The following FRY variants were observed in gnomAD, a reference collection of about 807,000 sequenced individuals.
FRY encodes FRY microtubule binding protein.
FRY carries 128 observed loss-of-function variants against 348.4 expected under a neutral mutation model. The observed-to-expected ratio is 0.37, with a 90% confidence interval of 0.32 to 0.43. FRY has a LOEUF of 0.43. Ranked by LOEUF, FRY falls within the 20% of genes least tolerant of loss-of-function variation. The probability of loss-of-function intolerance (pLI) is 1.00; values close to 1 mark genes in which losing one functional copy is unlikely to be tolerated. For missense variants in FRY, 2,736 were observed against 3,695.2 expected, an observed-to-expected ratio of 0.74 and a Z score of 6.73; for synonymous variants, 1,370 against 1,374.7, an observed-to-expected ratio of 1.00 and a Z score of 0.08.
chr13:32,282,736 A>AGG (rs1888872682), intron 58 of FRY, among the ~76,000 whole-genome samples: 1 of 152,234 alleles, frequency 6.6e-6, no homozygotes, highest in African/African-American at 2.4e-5. Context: ...TGTAGACCTA[A>AGG]GTATAACAAA....
At chr13:32,293,839 T>C (rs1296425987) in intron 59 of FRY, among the ~76,000 whole-genome samples, 1 of 152,254 alleles carries the variant, frequency 6.6e-6, no homozygotes, top group Non-Finnish European at 1.5e-5. Flanking sequence ...ACAGCGTCCA[T>C]GGTCACAATT....
intron 4 of FRY, among the ~76,000 whole-genome samples, chr13:32,122,972 A>G (rs1878767362): frequency 6.6e-6 from 1 of 152,032 alleles, no homozygotes; most frequent in South Asian, 2.1e-4. Context: ...ACTTAGGAAT[A>G]TACCTAACCA....
Position 32,186,890 on chromosome 13 carries a change from A to G in FRY, c.3480+470A>G, listed in dbSNP as rs868244897. On this transcript the variant is annotated intron_variant, in intron 27 of 60. Transcript: ENST00000542859. ...GTATATCAGCTCTGTCATACAGAACATAAGTTGCTGACTCTCAGATTACCT... is the reference window on the plus strand; with the variant it reads ...GTATATCAGCTCTGTCATACAGAACGTAAGTTGCTGACTCTCAGATTACCT... 2.0e-5 allele frequency among the ~76,000 whole-genome samples: 3 copies of G among 152,294 alleles called. No homozygotes were observed. The South Asian group carries it at 6.2e-4, about 32-fold the overall frequency.
intron 16 of FRY, among the ~76,000 whole-genome samples, chr13:32,158,240 A>G (rs1881229067): frequency 6.6e-6 from 1 of 152,252 alleles, no homozygotes; most frequent in African/African-American, 2.4e-5. Context: ...TAAAGTTAAA[A>G]TAAAAGCCTC....
intron 28 of FRY, 56 bp downstream of exon 28, chr13:32,187,712 T>A (rs1883104950): frequency 1.1e-6 from 1 of 911,536 alleles, no homozygotes; most frequent in Non-Finnish European, 1.8e-6. Context: ...CTGCCTCAGT[T>A]GAGTTACTGA....
rs564318470 is a variant in FRY at position 32,242,628 on chromosome 13, G to A, written c.6688-1414G>A. On this transcript the variant is annotated intron_variant, in intron 46 of 60. Transcript: ENST00000542859. ...TGGCTCACTGCAACTTCCACTTCCTGGGTTCACACAGTTCTCCTGCCTCAC... is the reference window on the plus strand; with the variant it reads ...TGGCTCACTGCAACTTCCACTTCCTAGGTTCACACAGTTCTCCTGCCTCAC... 3.2e-4 allele frequency among the ~76,000 whole-genome samples: 49 copies of A among 152,186 alleles called. 1 individual carries two copies. The highest frequency in any genetic ancestry group is 1.0e-3 in the African/African-American group (43 of 41,532).
intron 11 of FRY, among the ~76,000 whole-genome samples, chr13:32,140,377 A>G (rs2138796777): frequency 6.6e-6 from 1 of 152,370 alleles, no homozygotes; most frequent in African/African-American, 2.4e-5. Flanking sequence ...ACCAAAGTAC[A>G]GAATGAGAAA....
chr13:32,068,082 G>A (rs1175923527), intron 1 of FRY, among the ~76,000 whole-genome samples: 1 of 152,128 alleles, frequency 6.6e-6, no homozygotes, highest in Non-Finnish European at 1.5e-5. Flanking sequence ...CCTTTCAGGT[G>A]ACTGTGATGT....
intron 14 of FRY, among the ~76,000 whole-genome samples, chr13:32,151,209 A>C (rs1432976642): frequency 2.0e-5 from 3 of 152,264 alleles, no homozygotes; most frequent in African/African-American, 2.4e-5. Context: ...CACTGTCTAT[A>C]AAATGTATTC....
At chr13:32,131,635 C>T (rs1328618738) in intron 7 of FRY, 37 bp from the exon 8 acceptor site, 1 of 1,534,066 alleles carries the variant, frequency 6.5e-7, no homozygotes, top group Admixed American at 1.7e-5. Context: ...GACTTTCCTA[C>T]CCAATATTTG....
intron 3 of FRY, among the ~76,000 whole-genome samples, chr13:32,110,274 A>G (rs1165287426): frequency 6.6e-6 from 1 of 152,186 alleles, no homozygotes; most frequent in African/African-American, 2.4e-5. Flanking sequence ...GCATCTGTGG[A>G]GAGCATCTAT....
chr13:32,228,016 C>G (rs1885686973), intron 39 of FRY, among the ~76,000 whole-genome samples: 1 of 152,328 alleles, frequency 6.6e-6, no homozygotes, highest in East Asian at 1.9e-4. Flanking sequence ...TCCCAAAGTG[C>G]TGGGATTACA....
rs551893659 is a variant in FRY at position 32,032,325 on chromosome 13, T to G, written c.70+460T>G. Reference sequence around the variant, plus strand: ...TCAGAGTACTTTGTAATTGTTTTTTTAGGGTATTGTCTGAAGAAAGAAAAG... The same window carrying G: ...TCAGAGTACTTTGTAATTGTTTTTTGAGGGTATTGTCTGAAGAAAGAAAAG... On this transcript the variant is annotated intron_variant, in intron 1 of 60. Coordinates refer to ENST00000542859, the MANE Select transcript of FRY (RefSeq NM_023037.3). Among the ~76,000 whole-genome samples the G allele has an allele frequency of 2.6e-5, 4 of 152,304 alleles. No homozygotes were observed. The South Asian group carries it at 6.2e-4, about 24-fold the overall frequency.
Position 32,237,388 on chromosome 13 carries a change from A to T in FRY, c.5820A>T (p.Ser1940=), listed in dbSNP as rs1346742443. The T allele has an allele frequency of 1.2e-6, 2 of 1,613,940 alleles. No homozygotes were observed. The highest frequency in any genetic ancestry group is 8.5e-7 in the Non-Finnish European group (1 of 1,180,004). The change falls in exon 44 of 61, where the codon TCA becomes TCT. Residue 1940 remains serine, a synonymous_variant. Transcript: ENST00000542859. This position sits in a 1 kb window ranked among gnomAD's most constrained non-coding sequence, Gnocchi z 6.3. ...DLLTVLSRSS[S]PDLSSSSKLT... ...TTATTTTTATACCCAGCTCTTCCTCACCAGATTTAAGCTCCAGCAGTAAAC... is the reference window on the plus strand; with the variant it reads ...TTATTTTTATACCCAGCTCTTCCTCTCCAGATTTAAGCTCCAGCAGTAAAC...
At chr13:32,084,447 C>T (rs1332662367) in intron 2 of FRY, among the ~76,000 whole-genome samples, 3 of 152,290 alleles carry the variant, frequency 2.0e-5, no homozygotes, top group East Asian at 1.9e-4. Flanking sequence ...GACCCCTCTT[C>T]CTGGAATGCC....
chr13:32,145,713 T>G (rs572641833), intron 11 of FRY, among the ~76,000 whole-genome samples: 20 of 148,950 alleles, frequency 1.3e-4, no homozygotes, highest in African/African-American at 5.0e-4. Flanking sequence ...CCCGGCTAAT[T>G]TTTTGTATTT....
chr13:32,242,868 G>A (rs896446556), intron 46 of FRY, among the ~76,000 whole-genome samples: 1 of 152,112 alleles, frequency 6.6e-6, no homozygotes, highest in African/African-American at 2.4e-5. Context: ...CGTAAATATT[G>A]TGTAATTTCA....
intron 3 of FRY, 45 bp downstream of exon 3, chr13:32,102,061 A>C (rs1877197394): frequency 8.9e-7 from 1 of 1,123,522 alleles, no homozygotes; most frequent in African/African-American, 1.5e-5. Context: ...TTATTTCAGC[A>C]TTCACGCAAG....
intron 16 of FRY, 148 bp from the exon 17 acceptor site, chr13:32,160,996 G>A: frequency 4.6e-6 from 3 of 657,376 alleles, no homozygotes; most frequent in Non-Finnish European, 8.2e-6. Context: ...AGCTACAAAG[G>A]GCATAAACAT....
Sources: gnomAD v4.1 joint callset for allele counts (sites outside exome capture counted in the v4.1 genomes callset) on GRCh38, gnomAD v4.1.1 for gene constraint, Gnocchi (gnomAD v3.1) non-coding constraint, MANE v1.5 for transcripts, NCBI Gene and HGNC (gene_info 2026-07-23, HGNC 2026-07-21) for gene names.